The following C1RL variants were observed in gnomAD, a reference collection of about 807,000 sequenced individuals.
C1RL encodes complement C1r subcomponent like.
Under a neutral mutation model 27.9 loss-of-function variants are expected in C1RL, and 27 were observed. The observed-to-expected ratio is 0.97, with a 90% CI of 0.71 to 1.33. The LOEUF (loss-of-function observed/expected upper bound fraction) is 1.33. Among genes scored for constraint, C1RL ranks in the 40% most tolerant of loss-of-function variants. C1RL has a pLI of 0.00. For synonymous variants in C1RL, 248 were observed against 252.1 expected (o/e 0.98, Z 0.15); for missense variants, 563 against 623.9 (o/e 0.90, Z 1.04).
Position 7,108,253 on chromosome 12 carries a change from T to A in C1RL, c.298A>T (p.Thr100Ser), listed in dbSNP as rs1243204963. The change falls in exon 2 of 6, where the codon ACA (threonine) becomes TCA (serine). Residue 100 changes from threonine to serine, a missense_variant and splice_region_variant. Transcript: ENST00000266542. ...PSQDCAGDSVTISFVGSDPSQ... is the reference protein window; with the variant it reads ...PSQDCAGDSVSISFVGSDPSQ... ...GACCCCCCCCATCCCCAGCTCACTG[T>A]GACAGAGTCCCCTGCACAGTCCTGG... 1.2e-6 allele frequency: 2 copies of A among 1,601,896 alleles called. No individual in the cohort carries two copies. Among genetic ancestry groups the A allele is most frequent in the Non-Finnish European group, 1.7e-6 (2 of 1,172,636 alleles).
intron 2 of C1RL, among the ~76,000 whole-genome samples, chr12:7,103,240 C>T (rs1196648859): frequency 1.3e-5 from 2 of 152,190 alleles, no homozygotes; most frequent in African/African-American, 4.8e-5. Context: ...GGTTGTAAAA[C>T]CCTCCAGCTT....
At chr12:7,100,059 C>A in intron 3 of C1RL, 33 bp from the exon 4 acceptor site, 1 of 1,582,732 alleles carries the variant, frequency 6.3e-7, no homozygotes, top group South Asian at 1.1e-5. Context: ...ACAGACTTGC[C>A]AACTGGCAAC....
intron 2 of C1RL, among the ~76,000 whole-genome samples, chr12:7,105,796 G>C (rs1938750843): frequency 6.6e-6 from 1 of 152,146 alleles, no homozygotes; most frequent in African/African-American, 2.4e-5. Context: ...TAGAAAATTA[G>C]AACGAATCCT....
At chr12:7,101,313 C>T (rs1190587063) in intron 3 of C1RL, among the ~76,000 whole-genome samples, 1 of 150,826 alleles carries the variant, frequency 6.6e-6, no homozygotes, top group African/African-American at 2.4e-5. Flanking sequence ...CCGTGTCTCC[C>T]AGGCTGGAGT....
chr12:7,108,435 C>T lies in C1RL; in HGVS notation c.116G>A (p.Arg39Gln). Residue 39 changes from arginine to glutamine, a missense_variant, in exon 2 of 6, where the codon CGG (arginine) becomes CAG (glutamine). By Grantham distance (43) the Arg-to-Gln change is conservative. Coordinates refer to ENST00000266542, the MANE Select transcript of C1RL (RefSeq NM_016546.4). Reference sequence around the variant, plus strand: ...CTCTTGGGCCAAGAGGACGGAGCCCCGGGTTGGGCAAGCCTGGAGGACTCC... The same window carrying T: ...CTCTTGGGCCAAGAGGACGGAGCCCTGGGTTGGGCAAGCCTGGAGGACTCC... ...LWGVLQACPT[R>Q]GSVLLAQELP... is the part of the protein sequence containing the mutation. The T allele has an allele frequency of 6.2e-7, 1 of 1,611,616 alleles. No homozygotes were observed. The highest frequency in any genetic ancestry group is 8.5e-7 in the Non-Finnish European group (1 of 1,178,522).
intron 3 of C1RL, 55 bp downstream of exon 3, chr12:7,101,843 G>A: frequency 6.4e-7 from 1 of 1,564,372 alleles, no homozygotes; most frequent in Non-Finnish European, 8.8e-7. Flanking sequence ...GAAGATACCA[G>A]GGTCATGGCT....
intron 2 of C1RL, among the ~76,000 whole-genome samples, chr12:7,102,349 C>T (rs140773191): frequency 3.9e-5 from 6 of 152,320 alleles, no homozygotes; most frequent in Admixed American, 3.9e-4. Flanking sequence ...ACTATATTTT[C>T]CTTCTTTTAA....
intron 3 of C1RL, among the ~76,000 whole-genome samples, chr12:7,100,536 G>A (rs1337397063): frequency 6.6e-6 from 1 of 152,206 alleles, no homozygotes; most frequent in African/African-American, 2.4e-5. Flanking sequence ...GCTCACGGCT[G>A]TAATCCTAGC....
In C1RL at chr12:7,108,373, G is replaced by T; in HGVS notation, c.178C>A (p.Pro60Thr). 1 of 1,614,198 alleles carries T rather than the reference G, an allele frequency of 6.2e-7. No individual in the cohort carries two copies. The highest frequency in any genetic ancestry group is 2.2e-5 in the East Asian group (1 of 44,882). The change falls in exon 2 of 6, where the codon CCG becomes ACG. Residue 60 changes from proline (P) to threonine (T), a missense_variant. Transcript: ENST00000266542. Reference sequence around the variant, plus strand: ...CTGCTCTCTTGGCCTTTGCCATACGGCTCTGGGTACCCGGGGGATGTCAGC... The same window carrying T: ...CTGCTCTCTTGGCCTTTGCCATACGTCTCTGGGTACCCGGGGGATGTCAGC... ...QQLTSPGYPE[P>T]YGKGQESSTD...
rs372793243 is a variant in C1RL at position 7,108,487 on chromosome 12, T to C, written c.72-8A>G. ...CAGAGAAGCAGCCACCACCTGTGAGTTGGGGGGAGGGCAAGGTGGGGCCGC... is the reference window on the plus strand; with the variant it reads ...CAGAGAAGCAGCCACCACCTGTGAGCTGGGGGGAGGGCAAGGTGGGGCCGC... On this transcript the variant is annotated splice_region_variant and splice_polypyrimidine_tract_variant and intron_variant, in intron 1 of 5. Transcript: ENST00000266542. 92 of 1,573,888 alleles carry C rather than the reference T, an allele frequency of 5.8e-5. No individual in the cohort carries two copies. The highest frequency in any genetic ancestry group is 7.6e-5 in the Non-Finnish European group (88 of 1,156,250).
chr12:7,099,525 G>C (rs1938550234), intron 5 of C1RL, 161 bp downstream of exon 5: 1 of 955,574 alleles, frequency 1.0e-6, no homozygotes, highest in African/African-American at 1.8e-5. Context: ...CAAGCTCCCT[G>C]CCTGTTCTTT....
chr12:7,105,289 A>G (rs746716736), intron 2 of C1RL, among the ~76,000 whole-genome samples: 6 of 150,800 alleles, frequency 4.0e-5, no homozygotes, highest in Non-Finnish European at 8.8e-5. Flanking sequence ...TTTCCTTGAG[A>G]CAGAGACTCA....
At chr12:7,103,677 C>T (rs776653853) in intron 2 of C1RL, among the ~76,000 whole-genome samples, 100 of 152,190 alleles carry the variant, frequency 6.6e-4, no homozygotes, top group Non-Finnish European at 1.1e-3. Context: ...AGGCACAGTT[C>T]TGCTCCCGAG....
chr12:7,102,197 G>T, intron 2 of C1RL, 110 bp from the exon 3 acceptor site: 2 of 1,141,822 alleles, frequency 1.8e-6, no homozygotes, highest in Non-Finnish European at 2.5e-6. Flanking sequence ...TAGACGGGCC[G>T]TGCCCCTCTG....
intron 3 of C1RL, 85 bp from the exon 4 acceptor site, chr12:7,100,111 T>G (rs1460718644): frequency 2.9e-5 from 38 of 1,322,430 alleles, no homozygotes; most frequent in Non-Finnish European, 3.7e-5. Context: ...TGGTTTGACT[T>G]GCACAGTGTT....
rs1459450051 is a variant in C1RL, at chr12:7,104,019, A to G, written c.301-1932T>C. On this transcript the variant is annotated intron_variant, in intron 2 of 5. Coordinates refer to ENST00000266542, the MANE Select transcript of C1RL (RefSeq NM_016546.4). The surrounding 1 kb of genome is among the most constrained non-coding windows in gnomAD (Gnocchi z 5.4). ...AGCAAAGGGATAAAATGGTACACAT[A>G]ACCAAGGACAAAAAAGGGAGAGAAG... Among the ~76,000 whole-genome samples the G allele has an allele frequency of 6.6e-6, 1 of 152,226 alleles. No homozygotes were observed. Among genetic ancestry groups the G allele is most frequent in the Non-Finnish European group, 1.5e-5 (1 of 68,040 alleles).
chr12:7,099,757 G>A lies in C1RL; in HGVS notation c.620C>T (p.Ala207Val). The A allele has an allele frequency of 6.3e-7, 1 of 1,584,674 alleles. No homozygotes were observed. Among genetic ancestry groups the A allele is most frequent in the Non-Finnish European group, 8.6e-7 (1 of 1,165,774 alleles). Reference sequence around the variant, plus strand: ...GGTCCCTGGGGTTGCACAGGTGAGTGCCCCTGTGGCGTAAATGAGGAGAGG... The same window carrying A: ...GGTCCCTGGGGTTGCACAGGTGAGTACCCCTGTGGCGTAAATGAGGAGAGG... Reference protein sequence around the residue: ...EPYYQAAAAGALTCATPGTWK... With the variant: ...EPYYQAAAAGVLTCATPGTWK... Residue 207 changes from alanine to valine, a missense_variant, in exon 5 of 6, where the codon GCA becomes GTA. Coordinates refer to ENST00000266542, the MANE Select transcript of C1RL (RefSeq NM_016546.4).
chr12:7,099,735 C>G lies in C1RL; in HGVS notation c.642G>C (p.Gly214=). 6.4e-7 allele frequency: 1 copy of G among 1,571,188 alleles called. No homozygotes were observed. The highest frequency in any genetic ancestry group is 8.6e-7 in the Non-Finnish European group (1 of 1,157,730). Residue 214 remains glycine, a synonymous_variant, in exon 5 of 6, where the codon GGG becomes GGC. Transcript: ENST00000266542. ...AAGALTCATP[G]TWKDRQDGEE... is the part of the protein sequence containing the mutation. ...CCCCATCCTGTCTGTCTTTCCAGGTCCCTGGGGTTGCACAGGTGAGTGCCC... is the reference window on the plus strand; with the variant it reads ...CCCCATCCTGTCTGTCTTTCCAGGTGCCTGGGGTTGCACAGGTGAGTGCCC...
Position 7,107,172 on chromosome 12 carries a change from C to CT in C1RL, c.300+1078dup, listed in dbSNP as rs201420390. Among the ~76,000 whole-genome samples the CT allele has an allele frequency of 5.8e-3, 840 of 144,322 alleles. 4 individuals carry two copies. Among genetic ancestry groups the CT allele is most frequent in the Middle Eastern group, 0.014 (4 of 278 alleles). The allele number at this position is 144,322 out of a possible 152,430, so 94.7% of individuals were successfully genotyped here. A position where few individuals can be genotyped will look rare whatever the true frequency, so the allele number is the denominator to read the frequency against. On this transcript the variant is annotated intron_variant, in intron 2 of 5. Transcript: ENST00000266542. ...GTTATTCATAAACCTTTTTAAAAAC[C>CT]TTTTTTTTTTTTTGGAGACAGGGTC...
Sources: allele counts gnomAD v4.1 joint callset (sites outside exome capture counted in the v4.1 genomes callset), GRCh38; gene constraint gnomAD v4.1.1; non-coding constraint Gnocchi (gnomAD v3.1); transcripts MANE v1.5; gene names NCBI Gene and HGNC (gene_info 2026-07-23, HGNC 2026-07-21).